Variants in PKD1 observed in about 807,000 individuals in gnomAD.
PKD1 encodes polycystin 1, transient receptor potential channel interacting.
In PKD1, 81 loss-of-function variants were observed where a neutral mutation model predicts 361.7. The observed-to-expected ratio is 0.22, with a 90% CI of 0.19 to 0.27. The LOEUF (loss-of-function observed/expected upper bound fraction) is 0.27, where lower values mean the gene tolerates loss of function less well. Among genes scored for constraint, PKD1 ranks in the 10% least tolerant of loss-of-function variants. The probability of loss-of-function intolerance (pLI) is 1.00; values close to 1 mark genes in which losing one functional copy is unlikely to be tolerated. For missense variants in PKD1, 6,399 were observed against 6,118.3 expected (o/e 1.05, Z -1.53); for synonymous variants, 3,615 against 2,818.3 (o/e 1.28, Z -8.95).
chr16:2,112,235 G>A (rs1429559096), intron 14 of PKD1, 105 bp downstream of exon 14: 1 of 992,284 alleles, frequency 1.0e-6, no homozygotes, highest in Non-Finnish European at 1.5e-6. Flanking sequence ...TGAGGTCACA[G>A]TGAGGGCTGT....
chr16:2,116,179 C>T (rs776823069), intron 8 of PKD1, 61 bp from the exon 9 acceptor site: 519 of 1,538,514 alleles, frequency 3.4e-4, no homozygotes, highest in Non-Finnish European at 4.4e-4. Flanking sequence ...GCCCAGACTC[C>T]CCCTACCCGA....
rs1439438007 is a variant in PKD1 at position 2,114,150 on chromosome 16, G to A, written c.2853+20C>T. The A allele has an allele frequency of 3.8e-6, 6 of 1,598,710 alleles. No homozygotes were observed. Among genetic ancestry groups the A allele is most frequent in the Non-Finnish European group, 4.2e-6 (5 of 1,177,456 alleles). On this transcript the variant is annotated intron_variant, in intron 11 of 45. Transcript: ENST00000262304. ...AGGCACCTGCCTGGGGGCTGGTGGT[G>A]GAGCCTCGGCCATACTCACCACTAG... is the stretch of plus-strand genomic sequence containing the variant.
chr16:2,122,109 G>C (rs1267744445), intron 1 of PKD1, among the ~76,000 whole-genome samples: 1 of 152,242 alleles, frequency 6.6e-6, no homozygotes, highest in Non-Finnish European at 1.5e-5. Flanking sequence ...AAGGGGACCA[G>C]AGGCCACCCC....
chr16:2,125,114 T>C (rs2092778396), intron 1 of PKD1, among the ~76,000 whole-genome samples: 1 of 152,268 alleles, frequency 6.6e-6, no homozygotes, highest in Admixed American at 6.5e-5. Context: ...CTCTGCGCTG[T>C]GCTCCTTTCT....
Position 2,116,997 on chromosome 16 carries a change from G to A in PKD1, c.1442C>T (p.Ala481Val), listed in dbSNP as rs1360818138. ...CAGGCTGAAGGCCTCGCCCTGCGGCGCTGGGCCCACCTCCACCCCCTGCAC... is the reference window on the plus strand; with the variant it reads ...CAGGCTGAAGGCCTCGCCCTGCGGCACTGGGCCCACCTCCACCCCCTGCAC... ...STVQGVEVGPAPQGEAFSLES... is the reference protein window; with the variant it reads ...STVQGVEVGPVPQGEAFSLES... Residue 481 changes from alanine (A) to valine (V), a missense_variant, in exon 7 of 46, where the codon GCG becomes GTG. Transcript: ENST00000262304. 2.5e-6 allele frequency: 4 copies of A among 1,581,898 alleles called. No homozygotes were observed. Among genetic ancestry groups the A allele is most frequent in the Admixed American group, 1.7e-5 (1 of 59,504 alleles).
Position 2,091,155 on chromosome 16 carries a change from G to A in PKD1, c.11732C>T (p.Ala3911Val), listed in dbSNP as rs868559191. 1.4e-6 allele frequency: 2 copies of A among 1,472,122 alleles called. No homozygotes were observed. The highest frequency in any genetic ancestry group is 2.4e-5 in the Admixed American group (1 of 42,342). The allele number at this position is 1,472,122 out of a possible 1,614,324, so 91.2% of individuals were successfully genotyped here. Reference protein sequence around the residue: ...LLTSVCLLLFAVHFAVAEART... With the variant: ...LLTSVCLLLFVVHFAVAEART... ...GGCCTCGGCCACGGCGAAGTGCACG[G>A]CGAACAGCAGCAGGCACACCTGTGG... The change falls in exon 43 of 46, where the codon GCC (alanine) becomes GTC (valine). Residue 3911 changes from alanine to valine, a missense_variant. Coordinates refer to ENST00000262304, the MANE Select transcript of PKD1 (RefSeq NM_001009944.3).
chr16:2,106,177 C>T lies in PKD1; in HGVS notation c.7617G>A (p.Leu2539=), dbSNP rs909377254. ...KGSLSSYGAV[L]PPGFRPHFEV... is the part of the protein sequence containing the mutation. ...CGAAGTGTGGCCTGAAACCCGGGGG[C>T]AGCACGGCTCCGTAGCTGGAGAGGC... Residue 2539 remains leucine, a synonymous_variant, in exon 19 of 46, where the codon CTG becomes CTA. Coordinates refer to ENST00000262304, the MANE Select transcript of PKD1 (RefSeq NM_001009944.3). This position sits in a 1 kb window ranked among gnomAD's most constrained non-coding sequence, Gnocchi z 6.5. 3.1e-6 allele frequency: 5 copies of T among 1,609,510 alleles called. No homozygotes were observed. The African/African-American group carries it at 5.3e-5, about 17-fold the overall frequency.
rs1279420868 is a variant in PKD1, at chr16:2,117,945, G to A, written c.1047C>T (p.Asp349=). The A allele has an allele frequency of 1.2e-5, 18 of 1,475,702 alleles. No individual in the cohort carries two copies. Among genetic ancestry groups the A allele is most frequent in the African/African-American group, 9.7e-5 (7 of 72,064 alleles). The allele number at this position is 1,475,702 out of a possible 1,614,324, so 91.4% of individuals were successfully genotyped here. A position where few individuals can be genotyped will look rare whatever the true frequency, so the allele number is the denominator to read the frequency against. The change falls in exon 5 of 46, where the codon GAC becomes GAT. Residue 349 remains aspartate, a synonymous_variant. Coordinates refer to ENST00000262304, the MANE Select transcript of PKD1 (RefSeq NM_001009944.3). ...CGGCAGGTGCCGCTTCCACCTGCAC[G>A]TCTGTCCCCAGCAGGGCTGAGCCGG... ...LGAGSALLGT[D]VQVEAAPAAL... is the part of the protein sequence containing the mutation.
At position 2,091,157 on chromosome 16, in the gene PKD1, G is replaced by T. The variant is rs776161598; in HGVS notation, c.11730C>A (p.Phe3910Leu). 4.1e-6 allele frequency: 6 copies of T among 1,457,824 alleles called. No individual in the cohort carries two copies. The highest frequency in any genetic ancestry group is 5.4e-6 in the Non-Finnish European group (6 of 1,111,898). The allele number at this position is 1,457,824 out of a possible 1,614,324, so 90.3% of individuals were successfully genotyped here. A position where few individuals can be genotyped will look rare whatever the true frequency, so the allele number is the denominator to read the frequency against. The part of the protein sequence containing the change: ...PLLTSVCLLL[F>L]AVHFAVAEAR... ...CCTCGGCCACGGCGAAGTGCACGGC[G>T]AACAGCAGCAGGCACACCTGTGGGG... The change falls in exon 43 of 46, where the codon TTC (phenylalanine) becomes TTA (leucine). Residue 3910 changes from phenylalanine (F) to leucine (L), a missense_variant. Coordinates refer to ENST00000262304, the MANE Select transcript of PKD1 (RefSeq NM_001009944.3).
chr16:2,101,130 C>T (rs1347918279), intron 26 of PKD1, among the ~76,000 whole-genome samples: 1 of 152,026 alleles, frequency 6.6e-6, no homozygotes, highest in Non-Finnish European at 1.5e-5. Flanking sequence ...GGACTACAGG[C>T]GCCTGCCACT....
rs1434070229 is a variant in PKD1, at chr16:2,103,699, C to T, written c.8358G>A (p.Lys2786=). 1.2e-6 allele frequency: 2 copies of T among 1,610,050 alleles called. No individual in the cohort carries two copies. Among genetic ancestry groups the T allele is most frequent in the Non-Finnish European group, 1.7e-6 (2 of 1,179,542 alleles). Residue 2786 remains lysine (K), a synonymous_variant, in exon 23 of 46, where the codon AAG becomes AAA. Transcript: ENST00000262304. The part of the protein sequence containing the change: ...LAGEEIVAQG[K]RSDPRSLLCY... ...ACAGCAGGCTCCGCGGGTCCGAGCG[C>T]TTGCCCTGGGCCACGATCTCCTCGC... is the stretch of plus-strand genomic sequence containing the variant.
Position 2,100,104 on chromosome 16 carries a change from C to T in PKD1, c.9713-33G>A. ...GCAGGGAGGGCCGCACTGCAGGAGG[C>T]CACGGGGCAGGACCACCCTGCCCAA... is the stretch of plus-strand genomic sequence containing the variant. On this transcript the variant is annotated intron_variant, in intron 28 of 45. Transcript: ENST00000262304. This position sits in a 1 kb window ranked among gnomAD's most constrained non-coding sequence, Gnocchi z 4.4. The T allele has an allele frequency of 1.9e-6, 3 of 1,604,682 alleles. No individual in the cohort carries two copies. The highest frequency in any genetic ancestry group is 2.6e-6 in the Non-Finnish European group (3 of 1,176,150).
chr16:2,110,478 A>T lies in PKD1; in HGVS notation c.4689T>A (p.Asn1563Lys), dbSNP rs745870009. ...VNASRTVVPL[N>K]GSVSFSTSLE... ...GCGACGTGCTGAAGCTCACGCTCCC[A>T]TTCAGGGGCACCACCGTGCGGCTTG... Residue 1563 changes from asparagine to lysine, a missense_variant, in exon 15 of 46, where the codon AAT becomes AAA. Physicochemically the swap from Asn to Lys is moderately conservative, Grantham distance 94. Transcript: ENST00000262304. 1 of 1,612,346 alleles carries T rather than the reference A, an allele frequency of 6.2e-7. No homozygotes were observed. Among genetic ancestry groups the T allele is most frequent in the South Asian group, 1.1e-5 (1 of 91,080 alleles).
intron 26 of PKD1, among the ~76,000 whole-genome samples, chr16:2,101,564 G>A (rs555022039): frequency 1.3e-5 from 2 of 152,338 alleles, no homozygotes; most frequent in South Asian, 2.1e-4. Context: ...GTTGCTGTGA[G>A]CCAAGATCAT....
chr16:2,106,523 C>T lies in PKD1; in HGVS notation c.7364G>A (p.Gly2455Asp). The change falls in exon 18 of 46, where the codon GGC (glycine) becomes GAC (aspartate). Residue 2455 changes from glycine (G) to aspartate (D), a missense_variant. Coordinates refer to ENST00000262304, the MANE Select transcript of PKD1 (RefSeq NM_001009944.3). This position sits in a 1 kb window ranked among gnomAD's most constrained non-coding sequence, Gnocchi z 6.5. ...GATGGAGGCGCAGCCCTCCTCCTCG[C>T]CAGAGCGGCCCAGCACCGTGAGCGT... ...TFTLTVLGRS[G>D]EEEGCASIRL... 5.6e-6 allele frequency: 9 copies of T among 1,595,974 alleles called. No homozygotes were observed. Among genetic ancestry groups the T allele is most frequent in the South Asian group, 1.1e-5 (1 of 90,852 alleles).
intron 11 of PKD1, among the ~76,000 whole-genome samples, chr16:2,113,616 C>T (rs1046074603): frequency 2.6e-5 from 4 of 152,242 alleles, no homozygotes; most frequent in Non-Finnish European, 4.4e-5. Flanking sequence ...TGCCCCAGCT[C>T]CTCACCCAGA....
In PKD1 at chr16:2,094,145, G is replaced by A; in HGVS notation, c.10565C>T (p.Pro3522Leu). The A allele has an allele frequency of 1.3e-6, 2 of 1,599,366 alleles. No homozygotes were observed. Among genetic ancestry groups the A allele is most frequent in the Non-Finnish European group, 1.7e-6 (2 of 1,173,186 alleles). The change falls in exon 35 of 46, where the codon CCC becomes CTC. Residue 3522 changes from proline to leucine, a missense_variant. By Grantham distance (98) the Pro-to-Leu change is moderately conservative (BLOSUM62 -3). Coordinates refer to ENST00000262304, the MANE Select transcript of PKD1 (RefSeq NM_001009944.3). ...ALQRLGELGP[P>L]SPGLNWEQPQ... Reference sequence around the variant, plus strand: ...CTGTTCCCAGTTCAGGCCTGGGCTGGGTGGCCCCAGCTCCCCCAGCCTCTG... The same window carrying A: ...CTGTTCCCAGTTCAGGCCTGGGCTGAGTGGCCCCAGCTCCCCCAGCCTCTG...
intron 14 of PKD1, 150 bp from the exon 15 acceptor site, chr16:2,112,021 A>G: frequency 2.3e-6 from 2 of 851,604 alleles, no homozygotes; most frequent in Non-Finnish European, 3.8e-6. Flanking sequence ...CACGTGCGGG[A>G]CGGAGCACAG....
rs201154266 is a variant in PKD1 at position 2,099,781 on chromosome 16, G to T, written c.9924-11C>A. 6.4e-7 allele frequency: 1 copy of T among 1,553,672 alleles called. No homozygotes were observed. Among genetic ancestry groups the T allele is most frequent in the Non-Finnish European group, 8.7e-7 (1 of 1,148,750 alleles). ...GACACATGCCCCGTGCTGTGTGGAG[G>T]AGAGGAGGCCACACAGGTGAGGCTG... On this transcript the variant is annotated splice_polypyrimidine_tract_variant and intron_variant, in intron 29 of 45. Transcript: ENST00000262304.
Sources: allele counts gnomAD v4.1 joint callset (sites outside exome capture counted in the v4.1 genomes callset), GRCh38; gene constraint gnomAD v4.1.1; non-coding constraint Gnocchi (gnomAD v3.1); transcripts MANE v1.5; gene names NCBI Gene and HGNC (gene_info 2026-07-23, HGNC 2026-07-21).